The following RRH variants were observed in gnomAD, a reference collection of about 807,000 sequenced individuals.
RRH encodes the protein retinal pigment epithelium-derived rhodopsin homolog.
In RRH, 36 loss-of-function variants were observed where a neutral mutation model predicts 33.1. The ratio of observed to expected loss-of-function variants is 1.09; its 90% CI spans 0.83 to 1.44. The LOEUF (loss-of-function observed/expected upper bound fraction) is 1.44. Among genes scored for constraint, RRH ranks in the 40% most tolerant of loss-of-function variants. RRH has a pLI of 0.00. For missense variants in RRH, 393 were observed against 420.2 expected (o/e 0.94, Z 0.57); for synonymous variants, 124 against 140.2 (o/e 0.88, Z 0.82).
rs774246230 is a variant in RRH, at chr4:109,837,541, A to ACACTAC, written c.659_664dup (p.Thr220_Thr221dup). 1 of 1,613,938 alleles carries ACACTAC rather than the reference A, an allele frequency of 6.2e-7. No homozygotes were observed. Among genetic ancestry groups the ACACTAC allele is most frequent in the East Asian group, 2.2e-5 (1 of 44,876 alleles). ...CATGTCACGCTATCCATTAAACATC[A>ACACTAC]CACTACCAGTGACTGCACTGAGTCC... On this transcript the variant is annotated inframe_insertion, in exon 5 of 7. Transcript: ENST00000317735.
At position 109,842,649 on chromosome 4, in the gene RRH, T is replaced by C; in HGVS notation, c.899+2T>C. 6.2e-7 allele frequency: 1 copy of C among 1,609,270 alleles called. No homozygotes were observed. On this transcript the variant is annotated splice_donor_variant, in intron 6 of 6. Coordinates refer to ENST00000317735, the MANE Select transcript of RRH (RefSeq NM_006583.5). LOFTEE classifies it high-confidence loss of function. Reference sequence around the variant, plus strand: ...CATTTATGTGGTTGCTAATAAAAAGTAAGTAATGTCTAAAATGCTTGCAGT... The same window carrying C: ...CATTTATGTGGTTGCTAATAAAAAGCAAGTAATGTCTAAAATGCTTGCAGT...
chr4:109,841,449 GTCT>G (rs143982877), intron 5 of RRH, among the ~76,000 whole-genome samples: 3,140 of 152,216 alleles, frequency 0.021, 101 homozygotes, highest in African/African-American at 0.07. Context: ...GCCTCTGGAA[GTCT>G]TCTAGGGAGA....
chr4:109,843,463 C>T (rs1560586696), intron 6 of RRH, among the ~76,000 whole-genome samples: 1 of 152,214 alleles, frequency 6.6e-6, no homozygotes, highest in Non-Finnish European at 1.5e-5. Context: ...CCCGCCTCGG[C>T]CTCCCAAAGC....
chr4:109,830,162 A>C (rs138346439), intron 1 of RRH, among the ~76,000 whole-genome samples: 34 of 152,272 alleles, frequency 2.2e-4, no homozygotes, highest in African/African-American at 7.9e-4. Context: ...TTCCCCAGTT[A>C]AGGCTGGGAG....
At chr4:109,829,836 T>C (rs13128301) in intron 1 of RRH, among the ~76,000 whole-genome samples, 71,985 of 152,002 alleles carry the variant, frequency 0.47, 20,206 homozygotes, top group Non-Finnish European at 0.64. Flanking sequence ...GTGTTTCTGG[T>C]GGATCCACTG....
chr4:109,834,325 CTTTT>C (rs70954188), intron 2 of RRH, among the ~76,000 whole-genome samples: 4 of 132,930 alleles, frequency 3.0e-5, no homozygotes, highest in Non-Finnish European at 3.2e-5. Context: ...TTTTCTTTTC[CTTTT>C]TTTTTTTTTT....
In RRH at chr4:109,835,041, C is replaced by T. The variant is rs564773757; in HGVS notation, c.298-325C>T. Among the ~76,000 whole-genome samples the T allele has an allele frequency of 8.5e-5, 13 of 152,210 alleles. 1 individual carries two copies. The Middle Eastern group carries it at 0.01, about 119-fold the overall frequency. ...CATTTTTCTATTGAGTTTGTCTTTTCCTCCTGTTGAATTACCCATCTTCTG... is the reference window on the plus strand; with the variant it reads ...CATTTTTCTATTGAGTTTGTCTTTTTCTCCTGTTGAATTACCCATCTTCTG... On this transcript the variant is annotated intron_variant, in intron 2 of 6. Transcript: ENST00000317735.
At chr4:109,829,892 T>C (rs1733714696) in intron 1 of RRH, among the ~76,000 whole-genome samples, 1 of 152,320 alleles carries the variant, frequency 6.6e-6, no homozygotes, top group South Asian at 2.1e-4. Context: ...TGCCCCTGTA[T>C]CAAGCATCTA....
chr4:109,832,344 G>C (rs997026809), intron 1 of RRH, among the ~76,000 whole-genome samples: 17 of 150,568 alleles, frequency 1.1e-4, no homozygotes, highest in African/African-American at 4.2e-4. Context: ...AACCAATCTG[G>C]GGCACTGACA....
In RRH at chr4:109,830,271, C is replaced by G. The variant is rs866317572; in HGVS notation, c.106+2138C>G. Among the ~76,000 whole-genome samples the G allele has an allele frequency of 2.3e-4, 35 of 152,098 alleles. 1 individual carries two copies. The highest frequency in any genetic ancestry group is 3.4e-3 in the Middle Eastern group (1 of 294). On this transcript the variant is annotated intron_variant, in intron 1 of 6. Transcript: ENST00000317735. ...TTGAAAAAGATGGCTGAGTACCAGA[C>G]AGTGATGAGCCGTGTAAGTTTTAAA...
chr4:109,842,336 A>G (rs549085306), intron 5 of RRH, 133 bp from the exon 6 acceptor site: 11 of 853,982 alleles, frequency 1.3e-5, no homozygotes, highest in African/African-American at 3.4e-5. Flanking sequence ...AAAAAACTCA[A>G]CTATTTCCTT....
chr4:109,840,786 G>T (rs1246378150), intron 5 of RRH, among the ~76,000 whole-genome samples: 2 of 145,674 alleles, frequency 1.4e-5, no homozygotes, highest in African/African-American at 5.0e-5. Flanking sequence ...TTTTCTTAAT[G>T]TCTGGTGGTC....
In RRH at chr4:109,842,463, T is replaced by A. The variant is rs1208182244; in HGVS notation, c.721-6T>A. The A allele has an allele frequency of 6.2e-7, 1 of 1,613,726 alleles. No homozygotes were observed. Among genetic ancestry groups the A allele is most frequent in the South Asian group, 1.1e-5 (1 of 91,076 alleles). ...TTGGGCTTGGTGAATATTTATTTCT[T>A]TTCAGATGTCTGTGATCATGATCTG... is the stretch of plus-strand genomic sequence containing the variant. On this transcript the variant is annotated splice_polypyrimidine_tract_variant and splice_region_variant and intron_variant, in intron 5 of 6. Coordinates refer to ENST00000317735, the MANE Select transcript of RRH (RefSeq NM_006583.5).
At chr4:109,834,492 G>T (rs1232556204) in intron 2 of RRH, among the ~76,000 whole-genome samples, 2 of 36,944 alleles carry the variant, frequency 5.4e-5, no homozygotes, top group Non-Finnish European at 1.2e-4. Flanking sequence ...ACCAAGCCTG[G>T]CTAATTTTTT....
intron 2 of RRH, among the ~76,000 whole-genome samples, 195 bp from the exon 3 acceptor site, chr4:109,835,171 G>A (rs549531586): frequency 8.5e-5 from 13 of 152,232 alleles, no homozygotes; most frequent in African/African-American, 3.1e-4. Flanking sequence ...GTCCATTTTA[G>A]TTAATGAAAT....
chr4:109,835,601 A>G lies in RRH; in HGVS notation c.397+136A>G, dbSNP rs1036115383. ...TATTTCTCTGCCAATAATTGTTCAA[A>G]TGTTTCAATGGCTTCTTATTGTACT... On this transcript the variant is annotated intron_variant, in intron 3 of 6. Coordinates refer to ENST00000317735, the MANE Select transcript of RRH (RefSeq NM_006583.5). 1.1e-5 allele frequency: 8 copies of G among 735,872 alleles called. No individual in the cohort carries two copies. The African/African-American group carries it at 1.4e-4, about 13-fold the overall frequency. The allele number at this position is 735,872 out of a possible 1,614,324, so 45.6% of individuals were successfully genotyped here.
intron 1 of RRH, among the ~76,000 whole-genome samples, chr4:109,832,835 A>G (rs1733786823): frequency 6.6e-6 from 1 of 152,152 alleles, no homozygotes; most frequent in African/African-American, 2.4e-5. Context: ...AATCAGTAGG[A>G]ATGGTATGAA....
intron 2 of RRH, among the ~76,000 whole-genome samples, chr4:109,833,664 ATAAAG>A (rs1449053617): frequency 2.0e-5 from 3 of 152,210 alleles, no homozygotes; most frequent in Admixed American, 6.5e-5. Context: ...ATCTGAAACA[ATAAAG>A]TAGTGATTTA....
chr4:109,831,859 A>G (rs1733760448), intron 1 of RRH, among the ~76,000 whole-genome samples: 2 of 152,146 alleles, frequency 1.3e-5, no homozygotes, highest in Admixed American at 1.3e-4. Context: ...AGTCTATGTT[A>G]TAGCAAGCTG....
Sources: gnomAD v4.1 joint callset for allele counts (sites outside exome capture counted in the v4.1 genomes callset) on GRCh38, gnomAD v4.1.1 for gene constraint, MANE v1.5 for transcripts, NCBI Gene and HGNC (gene_info 2026-07-23, HGNC 2026-07-21) for gene names.